Variants in PRSS3 observed in about 807,000 individuals in gnomAD.
PRSS3 encodes the protein serine protease 3, also known as trypsin-3.
In PRSS3, 14 loss-of-function variants were observed where a neutral mutation model predicts 20.8. The ratio of observed to expected loss-of-function variants is 0.67; its 90% CI spans 0.44 to 1.05. The LOEUF is 1.05. Ranked by LOEUF, PRSS3 falls within the 50% of genes least tolerant of loss-of-function variation. The pLI is 0.00. For missense variants in PRSS3, 237 were observed against 306.4 expected, an observed-to-expected ratio of 0.77 and a Z score of 1.69; for synonymous variants, 91 against 117.6, an observed-to-expected ratio of 0.77 and a Z score of 1.46.
At position 33,763,592 on chromosome 9, in the gene PRSS3, G is replaced by C. The variant is rs191496318; in HGVS notation, c.-53+12865G>C. Among the ~76,000 whole-genome samples the C allele has an allele frequency of 5.9e-4, 89 of 152,054 alleles. 1 individual carries two copies. The East Asian group carries it at 0.015, about 25-fold the overall frequency. ...CGGGCACCTGTAATCCCAGCTACTTGGGAGGCTGAGGCAGGAGAATGGCGT... is the reference window on the plus strand; with the variant it reads ...CGGGCACCTGTAATCCCAGCTACTTCGGAGGCTGAGGCAGGAGAATGGCGT... On this transcript the variant is annotated intron_variant, in intron 1 of 5. Transcript: ENST00000342836.
intron 1 of PRSS3, among the ~76,000 whole-genome samples, chr9:33,766,729 C>A (rs1468634393): frequency 2.6e-5 from 4 of 151,746 alleles, no homozygotes; most frequent in African/African-American, 7.3e-5. Flanking sequence ...TCCACAGAGA[C>A]GGAAAGCGTA....
upstream of PRSS3, chr9:33,795,469 T>C (rs182377454): frequency 3.5e-5 from 53 of 1,501,002 alleles, no homozygotes; most frequent in Non-Finnish European, 4.4e-5. Flanking sequence ...GGTGTGTTTG[T>C]GCTGGGAAGA....
At chr9:33,754,105 CTTTT>C (rs1040861447) in intron 1 of PRSS3, among the ~76,000 whole-genome samples, 3 of 150,608 alleles carry the variant, frequency 2.0e-5, no homozygotes, top group African/African-American at 7.3e-5. Context: ...CTCTTTCTTT[CTTTT>C]GAGATGGAGT....
intron 1 of PRSS3, among the ~76,000 whole-genome samples, chr9:33,755,854 G>A (rs1452638471): frequency 6.6e-6 from 1 of 152,116 alleles, no homozygotes; most frequent in South Asian, 2.1e-4. Context: ...AGAAGCATTT[G>A]GGGTAAATTT....
chr9:33,768,858 C>CA (rs1455099971), intron 1 of PRSS3, among the ~76,000 whole-genome samples: 1 of 150,948 alleles, frequency 6.6e-6, no homozygotes, highest in African/African-American at 2.4e-5. Flanking sequence ...TCCGTCTCCA[C>CA]AAAAAAATAA....
intron 1 of PRSS3, among the ~76,000 whole-genome samples, chr9:33,781,039 T>C (rs1178685128): frequency 1.3e-5 from 2 of 152,196 alleles, no homozygotes; most frequent in South Asian, 2.1e-4. Flanking sequence ...TTGAAACTAA[T>C]AGACAAATAC....
intron 1 of PRSS3, among the ~76,000 whole-genome samples, chr9:33,781,454 C>T (rs1195529850): frequency 6.6e-6 from 1 of 152,194 alleles, no homozygotes; most frequent in Admixed American, 6.5e-5. Context: ...CATGTTCTCA[C>T]TTACAAGTGG....
At chr9:33,793,915 C>T (rs1024418366), upstream of PRSS3, among the ~76,000 whole-genome samples, 1 of 152,284 alleles carries the variant, frequency 6.6e-6, no homozygotes, top group Non-Finnish European at 1.5e-5. Flanking sequence ...TCTTGTAAAG[C>T]TGTCAGGCAC....
intron 1 of PRSS3, among the ~76,000 whole-genome samples, chr9:33,769,913 C>T (rs1467101268): frequency 6.6e-6 from 1 of 152,228 alleles, no homozygotes; most frequent in Non-Finnish European, 1.5e-5. Context: ...CGCCTGTAAT[C>T]CCAACACTTT....
At chr9:33,766,868 A>G (rs1823458615) in intron 1 of PRSS3, among the ~76,000 whole-genome samples, 1 of 152,170 alleles carries the variant, frequency 6.6e-6, no homozygotes, top group African/African-American at 2.4e-5. Context: ...AAAATTAGAT[A>G]GCAATAATGG....
chr9:33,756,324 T>G (rs1462071506), intron 1 of PRSS3, among the ~76,000 whole-genome samples: 2 of 152,210 alleles, frequency 1.3e-5, no homozygotes, highest in Non-Finnish European at 2.9e-5. Context: ...TGTAGGGTTT[T>G]CTTTGTTGTT....
chr9:33,766,547 T>G (rs1196953428), intron 1 of PRSS3, among the ~76,000 whole-genome samples: 2 of 152,148 alleles, frequency 1.3e-5, no homozygotes, highest in African/African-American at 2.4e-5. Flanking sequence ...CGCTCCAGCC[T>G]GGGCGACAGA....
intron 1 of PRSS3, among the ~76,000 whole-genome samples, chr9:33,754,756 A>G (rs774174379): frequency 5.9e-5 from 9 of 152,054 alleles, no homozygotes; most frequent in Admixed American, 3.9e-4. Context: ...GCTTGAACCC[A>G]GGAGGCAGAG....
intron 1 of PRSS3, among the ~76,000 whole-genome samples, chr9:33,764,564 A>G (rs1196047242): frequency 6.6e-6 from 1 of 152,194 alleles, no homozygotes; most frequent in Non-Finnish European, 1.5e-5. Context: ...AAACATAAAT[A>G]TAAGAGCTAA....
chr9:33,788,304 C>T (rs752298344), intron 1 of PRSS3, among the ~76,000 whole-genome samples: 12 of 152,192 alleles, frequency 7.9e-5, no homozygotes, highest in Non-Finnish European at 1.6e-4. Context: ...TACCAGCCAA[C>T]GACCCCCTCT....
chr9:33,794,831 G>C, upstream of PRSS3: 2 of 1,550,752 alleles, frequency 1.3e-6, no homozygotes, highest in Middle Eastern at 1.7e-4. Flanking sequence ...ATTGAAGAAG[G>C]GGAGGAGTGC....
At chr9:33,779,826 G>A (rs1468732643) in intron 1 of PRSS3, among the ~76,000 whole-genome samples, 7 of 123,056 alleles carry the variant, frequency 5.7e-5, no homozygotes, top group Admixed American at 3.0e-4. Flanking sequence ...CCGAGATAGC[G>A]CCACTGCACT....
chr9:33,758,385 G>A (rs916898359), intron 1 of PRSS3, among the ~76,000 whole-genome samples: 2 of 152,110 alleles, frequency 1.3e-5, no homozygotes, highest in African/African-American at 4.8e-5. Flanking sequence ...CTCTATGGGA[G>A]GCTTTAGAAC....
chr9:33,780,174 G>A (rs1824123280), intron 1 of PRSS3, among the ~76,000 whole-genome samples: 2 of 151,968 alleles, frequency 1.3e-5, no homozygotes, highest in South Asian at 4.2e-4. Context: ...AGAGTGAAGG[G>A]TCAAGTCACA....
Sources: gnomAD v4.1 joint callset for allele counts (sites outside exome capture counted in the v4.1 genomes callset) on GRCh38, gnomAD v4.1.1 for gene constraint, MANE v1.5 for transcripts, NCBI Gene and HGNC (gene_info 2026-07-23, HGNC 2026-07-21) for gene names.